USP24: variants seen among roughly 807,000 people sequenced by gnomAD.
USP24 encodes the protein ubiquitin specific peptidase 24.
A neutral mutation model predicts 361.6 loss-of-function variants in USP24; 97 were observed. That is an observed-to-expected ratio of 0.27 (90% CI 0.23 to 0.32). The LOEUF is 0.32. Among genes scored for constraint, USP24 ranks in the 10% least tolerant of loss-of-function variants. The pLI, the probability that USP24 is intolerant of heterozygous loss-of-function variation, is 1.00. For synonymous variants in USP24, 1,098 were observed against 1,124.6 expected (o/e 0.98, Z 0.47); for missense variants, 2,353 against 3,165.6 (o/e 0.74, Z 6.16).
Position 55,083,276 on chromosome 1 carries a change from T to A in USP24, c.6971A>T (p.Asn2324Ile). The change falls in exon 58 of 68, where the codon AAT becomes ATT. Residue 2324 changes from asparagine (N) to isoleucine (I), a missense_variant. This residue lies in a region of USP24 where 598 missense variants were observed against 761.9 expected (regional missense o/e 0.78). Transcript: ENST00000294383. Reference sequence around the variant, plus strand: ...GGATATAAAAGTAGTCCTTACCTGATTGTTTTGCCGACTGGCCCCTAGGAG... The same window carrying A: ...GGATATAAAAGTAGTCCTTACCTGAATGTTTTGCCGACTGGCCCCTAGGAG... ...SFLLGASRQN[N>I]QIRRWSSAQA... is the part of the protein sequence containing the mutation. The A allele has an allele frequency of 1.9e-6, 3 of 1,613,640 alleles. No individual in the cohort carries two copies. Among genetic ancestry groups the A allele is most frequent in the Non-Finnish European group, 2.5e-6 (3 of 1,179,672 alleles).
intron 67 of USP24, among the ~76,000 whole-genome samples, chr1:55,070,530 A>G (rs1644900941): frequency 6.6e-6 from 1 of 152,226 alleles, no homozygotes; most frequent in African/African-American, 2.4e-5. Context: ...TGAAAGCTGC[A>G]GGCCACCTGT....
At chr1:55,070,562 G>C (rs180933107) in intron 67 of USP24, among the ~76,000 whole-genome samples, 6 of 152,260 alleles carry the variant, frequency 3.9e-5, no homozygotes, top group Non-Finnish European at 8.8e-5. Context: ...CTGAGTTGGA[G>C]AGAAGAGGGA....
At chr1:55,109,803 G>C (rs1167784702) in intron 39 of USP24, among the ~76,000 whole-genome samples, 3 of 152,142 alleles carry the variant, frequency 2.0e-5, no homozygotes, top group Non-Finnish European at 4.4e-5. Context: ...TAACACTAAT[G>C]AACTGACTTC....
At chr1:55,140,790 G>A (rs1342831834) in intron 24 of USP24, among the ~76,000 whole-genome samples, 2 of 152,146 alleles carry the variant, frequency 1.3e-5, no homozygotes, top group Non-Finnish European at 2.9e-5. Context: ...GGGAAATAAT[G>A]ACGTGGTGTT....
At chr1:55,199,447 C>T (rs905391347) in intron 1 of USP24, among the ~76,000 whole-genome samples, 6 of 151,974 alleles carry the variant, frequency 3.9e-5, no homozygotes, top group Non-Finnish European at 7.4e-5. Flanking sequence ...ACAATATTAA[C>T]GTATTAATGT....
At chr1:55,157,426 T>A in intron 10 of USP24, 56 bp from the exon 11 acceptor site, 1 of 940,936 alleles carries the variant, frequency 1.1e-6, no homozygotes, top group South Asian at 1.9e-5. Context: ...AATATTTATA[T>A]AGATAGATAG....
chr1:55,158,761 T>C (rs1647957940), intron 10 of USP24, 117 bp downstream of exon 10: 1 of 916,112 alleles, frequency 1.1e-6, no homozygotes, highest in Admixed American at 4.2e-5. Flanking sequence ...ATTCTCTTTT[T>C]TATATGATTA....
In USP24 at chr1:55,087,232, T is replaced by C. The variant is rs564628803; in HGVS notation, c.6669-1194A>G. On this transcript the variant is annotated intron_variant, in intron 55 of 67. Transcript: ENST00000294383. ...TTCTTCAAACACGAAATCATAGCAA[T>C]TGATAGTGATGAGTGATTGGTCTTT... 1.3e-4 allele frequency among the ~76,000 whole-genome samples: 20 copies of C among 152,274 alleles called. 1 individual carries two copies. The East Asian group carries it at 3.9e-3, about 29-fold the overall frequency.
intron 26 of USP24, among the ~76,000 whole-genome samples, chr1:55,138,144 C>T (rs1363173211): frequency 3.3e-5 from 5 of 152,172 alleles, no homozygotes; most frequent in Non-Finnish European, 7.4e-5. Context: ...TCTTCCACTG[C>T]AGCGTTGTCC....
chr1:55,075,379 G>C lies in USP24; in HGVS notation c.7447+78C>G. On this transcript the variant is annotated intron_variant, in intron 63 of 67. Coordinates refer to ENST00000294383, the MANE Select transcript of USP24 (RefSeq NM_015306.3). ...ACTGTAGATCCCACCGAGAGTAGCAGGAGGCAGAACTGGCCAGAACAATAG... is the reference window on the plus strand; with the variant it reads ...ACTGTAGATCCCACCGAGAGTAGCACGAGGCAGAACTGGCCAGAACAATAG... 3.7e-6 allele frequency: 5 copies of C among 1,355,662 alleles called. No homozygotes were observed. The South Asian group carries it at 3.9e-5, about 11-fold the overall frequency. 84.0% of individuals were successfully genotyped at this position (1,355,662 alleles called of 1,614,324 possible).
At chr1:55,115,651 G>T (rs564743157) in intron 38 of USP24, among the ~76,000 whole-genome samples, 32 of 152,080 alleles carry the variant, frequency 2.1e-4, no homozygotes, top group Non-Finnish European at 4.4e-4. Flanking sequence ...ATTTGACCCA[G>T]CAATCCCATC....
In USP24 at chr1:55,078,628, C is replaced by T; in HGVS notation, c.7224G>A (p.Leu2408=). 1 of 1,609,072 alleles carries T rather than the reference C, an allele frequency of 6.2e-7. No homozygotes were observed. The highest frequency in any genetic ancestry group is 1.1e-5 in the South Asian group (1 of 90,352). Residue 2408 remains leucine (L), a synonymous_variant, in exon 61 of 68, where the codon CTG becomes CTA. Coordinates refer to ENST00000294383, the MANE Select transcript of USP24 (RefSeq NM_015306.3). ...LLEVMFALRE[L]TGSLLALIEM... ...CAATGAGTGCCAAGAGCGAGCCTGT[C>T]AGCTCCCGCAAAGCAAACATTACCT...
In USP24 at chr1:55,097,631, G is replaced by A. The variant is rs1452838657; in HGVS notation, c.5682C>T (p.Ser1894=). 2.1e-5 allele frequency: 33 copies of A among 1,580,912 alleles called. No individual in the cohort carries two copies. Among genetic ancestry groups the A allele is most frequent in the East Asian group, 9.1e-5 (4 of 43,974 alleles). The change falls in exon 48 of 68, where the codon AGC becomes AGT. Residue 1894 remains serine, a synonymous_variant. Transcript: ENST00000294383. ...GTTCATCATATTTAATGGAGCGTCC[G>A]CTTTCCCAGTCAAACCCAAATCTCA... is the stretch of plus-strand genomic sequence containing the variant. ...HLMRFGFDWE[S]GRSIKYDEQI...
At chr1:55,124,346 A>G (rs1646365955) in intron 35 of USP24, 123 bp downstream of exon 35, 1 of 1,136,560 alleles carries the variant, frequency 8.8e-7, no homozygotes. Context: ...ATGAATTTTT[A>G]CTCATGCTCA....
chr1:55,128,713 CTTTTTTTTTTTT>C (rs869191004), intron 32 of USP24, among the ~76,000 whole-genome samples: 1 of 124,872 alleles, frequency 8.0e-6, no homozygotes, highest in African/African-American at 3.0e-5. Flanking sequence ...GCTTTAATAC[CTTTTTTTTTTTT>C]TTTTTTTTGA....
intron 12 of USP24, among the ~76,000 whole-genome samples, chr1:55,155,685 C>T (rs1001513964): frequency 1.3e-5 from 2 of 152,180 alleles, no homozygotes; most frequent in Non-Finnish European, 2.9e-5. Context: ...ATTTCCCAAA[C>T]TCCTCTGCCA....
intron 12 of USP24, among the ~76,000 whole-genome samples, chr1:55,155,861 C>T (rs1241033151): frequency 6.6e-6 from 1 of 152,136 alleles, no homozygotes; most frequent in African/African-American, 2.4e-5. Flanking sequence ...TTGACAGTTC[C>T]AGCACTTAAA....
chr1:55,144,234 G>C, intron 20 of USP24, 31 bp from the exon 21 acceptor site: 1 of 1,406,426 alleles, frequency 7.1e-7, no homozygotes, highest in Non-Finnish European at 9.8e-7. Context: ...ATAAATTCAT[G>C]TACTCTACGT....
intron 21 of USP24, among the ~76,000 whole-genome samples, chr1:55,143,545 C>T (rs1161440258): frequency 6.6e-6 from 1 of 152,116 alleles, no homozygotes; most frequent in Non-Finnish European, 1.5e-5. Context: ...ACAGTAGGAC[C>T]CAGGGCTTGT....
Sources: gnomAD v4.1 joint callset for allele counts (sites outside exome capture counted in the v4.1 genomes callset) on GRCh38, gnomAD v4.1.1 for gene constraint, gnomAD v4.1.1 regional missense constraint, MANE v1.5 for transcripts, NCBI Gene and HGNC (gene_info 2026-07-23, HGNC 2026-07-21) for gene names.